ACSF3: variants seen among roughly 807,000 people sequenced by gnomAD.
ACSF3 encodes the protein acyl-CoA synthetase family member 3.
Under a neutral mutation model 53.2 loss-of-function variants are expected in ACSF3, and 78 were observed. The observed-to-expected ratio is 1.47, with a 90% confidence interval of 1.22 to 1.77. The LOEUF (loss-of-function observed/expected upper bound fraction) is 1.77. Ranked by LOEUF, ACSF3 falls within the 40% of genes most tolerant of loss-of-function variation. The pLI is 0.00. For synonymous variants in ACSF3, 414 were observed against 333.1 expected, an observed-to-expected ratio of 1.24 and a Z score of -2.65; for missense variants, 937 against 771.1, an observed-to-expected ratio of 1.22 and a Z score of -2.55.
intron 10 of ACSF3, chr16:89,153,533 A>G (rs947388442): frequency 3.1e-5 from 5 of 160,368 alleles, no homozygotes; most frequent in Admixed American, 2.9e-4. Flanking sequence ...TTCAAACCTT[A>G]GGGGCCGTCC....
At chr16:89,141,747 G>T (rs1436735350) in intron 8 of ACSF3, among the ~76,000 whole-genome samples, 1 of 152,212 alleles carries the variant, frequency 6.6e-6, no homozygotes, top group African/African-American at 2.4e-5. Flanking sequence ...TGTGGTGCTG[G>T]CTGGGCTGAG....
chr16:89,108,905 G>A (rs1976340364), intron 4 of ACSF3, among the ~76,000 whole-genome samples: 1 of 152,116 alleles, frequency 6.6e-6, no homozygotes. Flanking sequence ...GAATTGATGG[G>A]TTGTATGGTG....
At chr16:89,120,591 C>T (rs1177225885) in intron 6 of ACSF3, among the ~76,000 whole-genome samples, 1 of 152,250 alleles carries the variant, frequency 6.6e-6, no homozygotes, top group Non-Finnish European at 1.5e-5. Context: ...GGCCTGAGCA[C>T]ACCGTGCTTG....
intron 8 of ACSF3, chr16:89,136,518 G>C: frequency 8.0e-7 from 1 of 1,247,956 alleles, no homozygotes; most frequent in Non-Finnish European, 1.0e-6. Context: ...TAGAAATCAG[G>C]AGAAATTAAA....
chr16:89,141,001 C>T lies in ACSF3; in HGVS notation c.1367-4266C>T, dbSNP rs1321292572. The T allele has an allele frequency of 2.5e-6, 3 of 1,185,068 alleles. No homozygotes were observed. In the African/African-American group the frequency reaches 4.7e-5, roughly 19 times the overall value. 73.4% of individuals were successfully genotyped at this position (1,185,068 alleles called of 1,614,324 possible). ...GCCGACTCCGATTCCAGAATCGATG[C>T]ATTTTGATAAATAGGTTGTTATGGA... is the stretch of plus-strand genomic sequence containing the variant. On this transcript the variant is annotated intron_variant, in intron 8 of 10. Transcript: ENST00000614302.
At chr16:89,132,820 C>T (rs531087035) in intron 7 of ACSF3, among the ~76,000 whole-genome samples, 1 of 152,242 alleles carries the variant, frequency 6.6e-6, no homozygotes, top group Non-Finnish European at 1.5e-5. Context: ...AGGCCTGGGC[C>T]GGTAACATGC....
intron 8 of ACSF3, chr16:89,141,043 A>C: frequency 4.8e-6 from 6 of 1,255,582 alleles, no homozygotes; most frequent in Non-Finnish European, 6.2e-6. Context: ...AGGTTATTTA[A>C]CTTGTTTGAC....
intron 4 of ACSF3, among the ~76,000 whole-genome samples, chr16:89,110,856 C>T (rs991636596): frequency 3.3e-5 from 5 of 152,142 alleles, no homozygotes; most frequent in East Asian, 1.9e-4. Context: ...GGTGCTGCTC[C>T]GCGGTGCTGC....
rs140868915 is a variant in ACSF3, at chr16:89,139,620, G to T, written c.1367-5647G>T. Reference sequence around the variant, plus strand: ...TTTTTTTTTTTTTTTTCGAGACAGAGTCTTGCTCTGTCGCCAGACTGGAGT... The same window carrying T: ...TTTTTTTTTTTTTTTTCGAGACAGATTCTTGCTCTGTCGCCAGACTGGAGT... On this transcript the variant is annotated intron_variant, in intron 8 of 10. Coordinates refer to ENST00000614302, the MANE Select transcript of ACSF3 (RefSeq NM_001243279.3). Among the ~76,000 whole-genome samples the T allele has an allele frequency of 4.2e-3, 556 of 131,792 alleles. 1 individual carries two copies. Among genetic ancestry groups the T allele is most frequent in the Non-Finnish European group, 6.2e-3 (401 of 64,228 alleles). 86.5% of individuals were successfully genotyped at this position (131,792 alleles called of 152,430 possible). A position where few individuals can be genotyped will look rare whatever the true frequency, so the allele number is the denominator to read the frequency against.
chr16:89,103,851 G>A lies in ACSF3; in HGVS notation c.822+1092G>A, dbSNP rs1180785926. Among the ~76,000 whole-genome samples the A allele has an allele frequency of 3.9e-5, 6 of 152,264 alleles. No homozygotes were observed. The South Asian group carries it at 6.2e-4, about 16-fold the overall frequency. ...AAGGACGCGGTGCTGGTCACACAGA[G>A]CGCTGGGGTGGGAGCAGTCATCGCC... On this transcript the variant is annotated intron_variant, in intron 4 of 10. Coordinates refer to ENST00000614302, the MANE Select transcript of ACSF3 (RefSeq NM_001243279.3).
At chr16:89,100,566 C>A in intron 2 of ACSF3, 96 bp from the exon 3 acceptor site, 1 of 1,246,368 alleles carries the variant, frequency 8.0e-7, no homozygotes, top group Non-Finnish European at 1.1e-6. Flanking sequence ...AGCAGGCGTA[C>A]CTGGCTGGGT....
chr16:89,145,080 C>T, intron 8 of ACSF3, 187 bp from the exon 9 acceptor site: 1 of 1,519,918 alleles, frequency 6.6e-7, no homozygotes, highest in South Asian at 1.2e-5. Flanking sequence ...GTCGTGACCA[C>T]CAGGAATGTG....
Position 89,155,855 on chromosome 16 carries a change from G to A in ACSF3, c.*1648G>A. 1 of 434,478 alleles carries A rather than the reference G, an allele frequency of 2.3e-6. No individual in the cohort carries two copies. Among genetic ancestry groups the A allele is most frequent in the Non-Finnish European group, 4.6e-6 (1 of 217,576 alleles). The allele number at this position is 434,478 out of a possible 1,614,324, so 26.9% of individuals were successfully genotyped here. The stretch of plus-strand genomic sequence containing the variant: ...TTGCTTTATCCGATAGTATACATCA[G>A]TATATCATGCTTTCGAAATAATGAG... On this transcript the variant is annotated 3_prime_UTR_variant, in exon 11 of 11. Transcript: ENST00000614302.
intron 1 of ACSF3, among the ~76,000 whole-genome samples, chr16:89,095,687 G>A (rs1974532309): frequency 1.3e-5 from 2 of 152,378 alleles, no homozygotes; most frequent in East Asian, 1.9e-4. Context: ...GAATGCGAGT[G>A]TCATTCTCAT....
intron 8 of ACSF3, among the ~76,000 whole-genome samples, chr16:89,140,549 C>G (rs556380757): frequency 6.6e-6 from 1 of 152,200 alleles, no homozygotes; most frequent in Non-Finnish European, 1.5e-5. Context: ...GAGCAAAAGT[C>G]CGACAGGCTG....
At chr16:89,135,780 G>T (rs1438295723) in intron 8 of ACSF3, among the ~76,000 whole-genome samples, 1 of 152,212 alleles carries the variant, frequency 6.6e-6, no homozygotes, top group African/African-American at 2.4e-5. Flanking sequence ...TATTTATTTA[G>T]TTAGTTATTT....
intron 8 of ACSF3, among the ~76,000 whole-genome samples, chr16:89,142,546 TGCAGAC>T (rs1323228643): frequency 6.3e-4 from 94 of 149,488 alleles, no homozygotes; most frequent in African/African-American, 2.2e-3. Context: ...CACCCACACC[TGCAGAC>T]ACACCCACAC....
At chr16:89,140,135 G>A (rs187136937) in intron 8 of ACSF3, among the ~76,000 whole-genome samples, 2 of 152,362 alleles carry the variant, frequency 1.3e-5, no homozygotes, top group East Asian at 3.9e-4. Flanking sequence ...GAAGCCTCCA[G>A]TGTCCACGGG....
chr16:89,145,093 C>G, intron 8 of ACSF3, 174 bp from the exon 9 acceptor site: 1 of 1,550,548 alleles, frequency 6.4e-7, no homozygotes, highest in South Asian at 1.2e-5. Flanking sequence ...GGAATGTGGG[C>G]TTACCTGGCA....
Sources: gnomAD v4.1 joint callset for allele counts (sites outside exome capture counted in the v4.1 genomes callset) on GRCh38, gnomAD v4.1.1 for gene constraint, MANE v1.5 for transcripts, NCBI Gene and HGNC (gene_info 2026-07-23, HGNC 2026-07-21) for gene names.